MEI1: variants seen among roughly 807,000 people sequenced by gnomAD.
The protein encoded by MEI1 is meiotic double-stranded break formation protein 1, also known as meiosis inhibitor protein 1.
MEI1 carries 103 observed loss-of-function variants against 146.2 expected under a neutral mutation model. The observed-to-expected ratio is 0.70, with a 90% CI of 0.60 to 0.83. The LOEUF is 0.83. Among genes scored for constraint, MEI1 ranks in the 40% least tolerant of loss-of-function variants. The probability of loss-of-function intolerance (pLI) is 0.00; values close to 1 mark genes in which losing one functional copy is unlikely to be tolerated. For missense variants in MEI1, 1,529 were observed against 1,533.0 expected (o/e 1.00, Z 0.04); for synonymous variants, 652 against 628.2 (o/e 1.04, Z -0.57).
intron 15 of MEI1, among the ~76,000 whole-genome samples, chr22:41,750,297 C>T (rs528408288): frequency 9.9e-4 from 150 of 152,152 alleles, no homozygotes; most frequent in Middle Eastern, 3.4e-3. Flanking sequence ...CAGAAGGGTA[C>T]GATATTAAGG....
At chr22:41,757,058 C>T (rs1254198099) in intron 17 of MEI1, among the ~76,000 whole-genome samples, 1 of 152,148 alleles carries the variant, frequency 6.6e-6, no homozygotes, top group East Asian at 1.9e-4. Flanking sequence ...TCTCCTGTCG[C>T]TGCCTCTTTT....
rs6002481 is a variant in MEI1, at chr22:41,781,812, C to A, written c.3054C>A (p.Ser1018=). 83,039 of 1,613,832 alleles carry A rather than the reference C, an allele frequency of 0.051. 10,691 individuals carry two copies. Among genetic ancestry groups the A allele is most frequent in the African/African-American group, 0.5 (37,569 of 74,952 alleles). Residue 1018 remains serine, a synonymous_variant, in exon 24 of 31, where the codon TCC becomes TCA. Transcript: ENST00000401548. ...GCTCTGCCTGGCTGCTCACTGCCTC[C>A]TTCTCTGCCCAGCAGCACAAGGGCA... ...LLCSAWLLTA[S]FSAQQHKGSL...
At chr22:41,733,850 C>T (rs2072080443) in intron 11 of MEI1, among the ~76,000 whole-genome samples, 1 of 151,738 alleles carries the variant, frequency 6.6e-6, no homozygotes, top group Non-Finnish European at 1.5e-5. Context: ...TGGAGGACCA[C>T]GTGCGGTGGC....
rs368487670 is a variant in MEI1 at position 41,770,875 on chromosome 22, T to C, written c.2458T>C (p.Ser820Pro). 2 of 1,613,910 alleles carry C rather than the reference T, an allele frequency of 1.2e-6. No homozygotes were observed. The highest frequency in any genetic ancestry group is 2.7e-5 in the African/African-American group (2 of 74,924). ...CTATGAGGAACTGGATGATGTCACC[T>C]CTGCTGGGCAGCCCGCCCTTCCTGC... Reference protein sequence around the residue: ...SSYEELDDVTSAGQPALPASL... With the variant: ...SSYEELDDVTPAGQPALPASL... Residue 820 changes from serine (S) to proline (P), a missense_variant, in exon 20 of 31, where the codon TCT (serine) becomes CCT (proline). Coordinates refer to ENST00000401548, the MANE Select transcript of MEI1 (RefSeq NM_152513.4).
At chr22:41,747,763 A>T (rs553926385) in intron 14 of MEI1, among the ~76,000 whole-genome samples, 1 of 136,888 alleles carries the variant, frequency 7.3e-6, no homozygotes, top group Admixed American at 8.8e-5. Context: ...AAGGCAGTTT[A>T]TAAACTATAT....
chr22:41,731,659 T>C (rs933940515), intron 9 of MEI1, among the ~76,000 whole-genome samples: 2 of 152,174 alleles, frequency 1.3e-5, no homozygotes, highest in African/African-American at 4.8e-5. Context: ...GTCTGGGACT[T>C]ATTATACCAC....
At chr22:41,749,221 C>T (rs1179596807) in intron 15 of MEI1, among the ~76,000 whole-genome samples, 1 of 152,060 alleles carries the variant, frequency 6.6e-6, no homozygotes, top group African/African-American at 2.4e-5. Flanking sequence ...TGTGGAGAGG[C>T]AGCCAGGGCT....
chr22:41,773,265 T>C (rs6519287), intron 20 of MEI1, among the ~76,000 whole-genome samples: 2 of 152,086 alleles, frequency 1.3e-5, no homozygotes, highest in African/African-American at 4.8e-5. Context: ...GCCTTCAAGA[T>C]GAGTTGTTGC....
At chr22:41,781,521 G>T in intron 23 of MEI1, 127 bp downstream of exon 23, 1 of 1,144,304 alleles carries the variant, frequency 8.7e-7, no homozygotes, top group South Asian at 1.5e-5. Flanking sequence ...GGTCCTTTCT[G>T]GCTCTAATAA....
chr22:41,741,059 C>T (rs988236567), intron 11 of MEI1, among the ~76,000 whole-genome samples: 8 of 152,120 alleles, frequency 5.3e-5, no homozygotes, highest in African/African-American at 1.4e-4. Flanking sequence ...TACAGGCACG[C>T]GCCACCATGC....
intron 3 of MEI1, chr22:41,709,216 A>G (rs2069343445): frequency 1.2e-6 from 1 of 855,092 alleles, no homozygotes; most frequent in South Asian, 1.3e-5. Flanking sequence ...AAATGTACAC[A>G]CTTCACTTGG....
chr22:41,778,724 A>G lies in MEI1; in HGVS notation c.2727A>G (p.Pro909=), dbSNP rs61739069. 1.7e-4 allele frequency: 268 copies of G among 1,605,794 alleles called. No individual in the cohort carries two copies. Among genetic ancestry groups the G allele is most frequent in the Non-Finnish European group, 2.2e-4 (259 of 1,176,402 alleles). Residue 909 remains proline, a synonymous_variant, in exon 22 of 31, where the codon CCA becomes CCG. Coordinates refer to ENST00000401548, the MANE Select transcript of MEI1 (RefSeq NM_152513.4). ...TCTTCACAGCCTCGGGGAACCTACC[A>G]TTGCTGCTGAGCCTCCTCTCCCTGA... ...ASPSGASGNL[P]LLLSLLSLMQ...
intron 17 of MEI1, among the ~76,000 whole-genome samples, chr22:41,756,813 T>C (rs1336769131): frequency 6.6e-6 from 1 of 152,246 alleles, no homozygotes; most frequent in African/African-American, 2.4e-5. Flanking sequence ...TTCTTTCTTT[T>C]ATGAAACCGT....
At chr22:41,728,666 A>G (rs1416803523) in intron 7 of MEI1, among the ~76,000 whole-genome samples, 1 of 152,022 alleles carries the variant, frequency 6.6e-6, no homozygotes, top group Non-Finnish European at 1.5e-5. Context: ...GGAATTTGAG[A>G]CCAGTCTGGG....
At chr22:41,732,385 C>T (rs756086995) in intron 10 of MEI1, 41 bp downstream of exon 10, 1 of 1,613,150 alleles carries the variant, frequency 6.2e-7, no homozygotes, top group Non-Finnish European at 8.5e-7. Context: ...AGGGGCCAGA[C>T]TGCAGAAGGA....
At chr22:41,793,941 C>G (rs780063930) in intron 27 of MEI1, 31 bp downstream of exon 27, 1 of 1,585,636 alleles carries the variant, frequency 6.3e-7, no homozygotes. Context: ...CTGATGTTCC[C>G]ATGAGAGAGA....
intron 19 of MEI1, among the ~76,000 whole-genome samples, chr22:41,769,714 C>T (rs1023274204): frequency 4.6e-4 from 69 of 151,520 alleles, no homozygotes; most frequent in African/African-American, 1.5e-3. Flanking sequence ...TCAGGTGATC[C>T]GCCCACCTCA....
chr22:41,781,868 T>C, intron 24 of MEI1, 23 bp downstream of exon 24: 1 of 1,612,490 alleles, frequency 6.2e-7, no homozygotes, highest in African/African-American at 1.3e-5. Flanking sequence ...CTCCTGTGGC[T>C]TTGAGGCATG....
At position 41,758,426 on chromosome 22, in the gene MEI1, T is replaced by C. The variant is rs8141939; in HGVS notation, c.2013T>C (p.Pro671=). 0.025 allele frequency: 40,985 copies of C among 1,613,842 alleles called. 2,781 individuals carry two copies. In the African/African-American group the frequency reaches 0.26, roughly 10 times the overall value. Residue 671 remains proline, a synonymous_variant, in exon 18 of 31, where the codon CCT becomes CCC. Transcript: ENST00000401548. ...HGLPQISSRS[P]ESLAFLSDRQ... ...TGCCCCAGATAAGCAGCAGGAGCCCTGAAAGCCTTGCCTTCCTGTCTGATC... is the reference window on the plus strand; with the variant it reads ...TGCCCCAGATAAGCAGCAGGAGCCCCGAAAGCCTTGCCTTCCTGTCTGATC...
Sources: gnomAD v4.1 joint callset for allele counts (sites outside exome capture counted in the v4.1 genomes callset) on GRCh38, gnomAD v4.1.1 for gene constraint, MANE v1.5 for transcripts, NCBI Gene and HGNC (gene_info 2026-07-23, HGNC 2026-07-21) for gene names.